ODR4: variants seen among roughly 807,000 people sequenced by gnomAD.
ODR4 encodes protein odr-4 homolog.
A neutral mutation model predicts 60.2 loss-of-function variants in ODR4; 47 were observed. The observed-to-expected ratio is 0.78, with a 90% CI of 0.62 to 1.00. The LOEUF is 1.00. Ranked by LOEUF, ODR4 falls within the 50% of genes least tolerant of loss-of-function variation. The pLI is 0.00. For synonymous variants in ODR4, 178 were observed against 175.5 expected (o/e 1.01, Z -0.11); for missense variants, 488 against 530.8 (o/e 0.92, Z 0.79).
intron 11 of ODR4, among the ~76,000 whole-genome samples, chr1:186,404,665 C>G (rs979695627): frequency 6.6e-5 from 10 of 152,190 alleles, no homozygotes; most frequent in Admixed American, 5.9e-4. Flanking sequence ...AAATTTCTCT[C>G]CCAGTTCTCA....
In ODR4 at chr1:186,420,684, A is replaced by G. The variant is rs1661742303; in HGVS notation, c.*1608A>G. The G allele has an allele frequency of 1.3e-5, 2 of 152,172 alleles. No individual in the cohort carries two copies. Among genetic ancestry groups the G allele is most frequent in the Admixed American group, 1.3e-4 (2 of 15,284 alleles). 9.4% of individuals were successfully genotyped at this position (152,172 alleles called of 1,614,324 possible). ...GCTGAAGAGACAAGTGAACTAAACT[A>G]TAAGCTGGATCTAAAGAAATTACCC... On this transcript the variant is annotated 3_prime_UTR_variant, in exon 14 of 14. Coordinates refer to ENST00000287859, the MANE Select transcript of ODR4 (RefSeq NM_017847.6).
downstream of ODR4, among the ~76,000 whole-genome samples, chr1:186,422,028 T>C (rs1661797951): frequency 6.6e-6 from 1 of 151,904 alleles, no homozygotes; most frequent in East Asian, 1.9e-4. Flanking sequence ...TTAAAATGAA[T>C]ATGAATAGAC....
intron 5 of ODR4, among the ~76,000 whole-genome samples, chr1:186,388,918 A>G (rs928739537): frequency 1.3e-5 from 2 of 152,218 alleles, no homozygotes; most frequent in African/African-American, 4.8e-5. Flanking sequence ...TTCTATAGAT[A>G]AGGATGTACA....
intron 6 of ODR4, 76 bp downstream of exon 6, chr1:186,389,700 T>C: frequency 1.8e-6 from 2 of 1,082,928 alleles, no homozygotes; most frequent in Non-Finnish European, 2.7e-6. Context: ...TATTTAGTTT[T>C]AATAATTTCC....
In ODR4 at chr1:186,383,027, G is replaced by A. The variant is rs1473740885; in HGVS notation, c.105G>A (p.Ser35=). The A allele has an allele frequency of 1.3e-5, 21 of 1,582,954 alleles. No individual in the cohort carries two copies. The highest frequency in any genetic ancestry group is 1.7e-4 in the Middle Eastern group (1 of 6,020). ...TTTTTAATTTGTTGTTGAAGTGTTCGTCACAAAAGGATTATGTGATTCTTG... is the reference window on the plus strand; with the variant it reads ...TTTTTAATTTGTTGTTGAAGTGTTCATCACAAAAGGATTATGTGATTCTTG... ...FVSGLLIGQC[S]SQKDYVILAT... The change falls in exon 3 of 14, where the codon TCG becomes TCA. Residue 35 remains serine, a synonymous_variant. Coordinates refer to ENST00000287859, the MANE Select transcript of ODR4 (RefSeq NM_017847.6).
At chr1:186,421,406 T>G (rs1571709241), downstream of ODR4, 1 of 152,168 alleles carries the variant, frequency 6.6e-6, no homozygotes, top group African/African-American at 2.4e-5. Flanking sequence ...AGGATATAAT[T>G]GTAAAATTGG....
At chr1:186,417,199 GC>G (rs1389109543) in intron 12 of ODR4, among the ~76,000 whole-genome samples, 2 of 152,022 alleles carry the variant, frequency 1.3e-5, no homozygotes, top group Non-Finnish European at 2.9e-5. Context: ...CTGAGCTCAG[GC>G]ACTCTGCCTG....
chr1:186,403,325 CAT>C (rs1242390778), intron 11 of ODR4, among the ~76,000 whole-genome samples: 3 of 151,822 alleles, frequency 2.0e-5, no homozygotes, highest in African/African-American at 7.3e-5. Flanking sequence ...TTGTTACAAT[CAT>C]GTGATATAAA....
Position 186,417,583 on chromosome 1 carries a change from A to T in ODR4, c.1226A>T (p.Asp409Val). The change falls in exon 13 of 14, where the codon GAC becomes GTC. Residue 409 changes from aspartate (D) to valine (V), a missense_variant. By Grantham distance (152) the Asp-to-Val change is radical. Coordinates refer to ENST00000287859, the MANE Select transcript of ODR4 (RefSeq NM_017847.6). The stretch of plus-strand genomic sequence containing the variant: ...TCTATGAATAGTCAAGCTTCATTGG[A>T]CAACACAGATGATGAACAACCAAAA... ...SSSMNSQASL[D>V]NTDDEQPKQP... 1 of 1,602,682 alleles carries T rather than the reference A, an allele frequency of 6.2e-7. No homozygotes were observed.
At chr1:186,385,512 G>A (rs1250996399) in intron 3 of ODR4, among the ~76,000 whole-genome samples, 1 of 151,620 alleles carries the variant, frequency 6.6e-6, no homozygotes, top group Non-Finnish European at 1.5e-5. Context: ...GTATCCAGTA[G>A]GGTTGAGACA....
intron 11 of ODR4, among the ~76,000 whole-genome samples, chr1:186,404,294 G>A (rs1285935729): frequency 2.0e-5 from 3 of 152,272 alleles, no homozygotes; most frequent in South Asian, 2.1e-4. Context: ...AACAGAAAAC[G>A]AGTCTTACTT....
At chr1:186,384,973 T>C (rs553568015) in intron 3 of ODR4, among the ~76,000 whole-genome samples, 26 of 151,960 alleles carry the variant, frequency 1.7e-4, no homozygotes, top group Non-Finnish European at 3.1e-4. Context: ...GTGTAGATGA[T>C]AGAAAAAAAT....
intron 12 of ODR4, among the ~76,000 whole-genome samples, chr1:186,412,385 T>C (rs1410905713): frequency 1.3e-5 from 2 of 152,116 alleles, no homozygotes; most frequent in African/African-American, 4.8e-5. Flanking sequence ...TGAGTTCGTT[T>C]TGAAGGATGA....
rs181020044 is a variant in ODR4, at chr1:186,392,430, A to G, written c.711+639A>G. ...ACTAGATAATGAAAATGTGGTACAT[A>G]TACACCATGGAATACTGTGCAGCCA... On this transcript the variant is annotated intron_variant, in intron 8 of 13. Coordinates refer to ENST00000287859, the MANE Select transcript of ODR4 (RefSeq NM_017847.6). Among the ~76,000 whole-genome samples the G allele has an allele frequency of 4.2e-4, 64 of 152,378 alleles. 1 individual carries two copies. The East Asian group carries it at 9.8e-3, about 23-fold the overall frequency.
rs144079140 is a variant in ODR4 at position 186,407,208 on chromosome 1, CT to C, written c.1186+943del. 1.8e-3 allele frequency among the ~76,000 whole-genome samples: 277 copies of C among 152,208 alleles called. 7 individuals are homozygous for C. In the East Asian group the frequency reaches 0.029, roughly 16 times the overall value. ...CTGATGTTAAAATAAAGAAGAGCTA[CT>C]TTCTAATCCCATGAAAACTAATATT... On this transcript the variant is annotated intron_variant, in intron 12 of 13. Transcript: ENST00000287859.
intron 2 of ODR4, 88 bp from the exon 3 acceptor site, chr1:186,382,934 T>G: frequency 7.5e-7 from 1 of 1,337,318 alleles, no homozygotes; most frequent in South Asian, 1.5e-5. Context: ...TTTTTGCATG[T>G]CATAAAAGCT....
rs538375639 is a variant in ODR4, at chr1:186,385,824, GATTT to G, written c.235-156_235-153del. On this transcript the variant is annotated intron_variant, in intron 3 of 13. Transcript: ENST00000287859. Reference sequence around the variant, plus strand: ...TCAGTCTTTGATCTCCTGAGAAAAGGATTTATTTATTGATGTAGCTAAAGGATGT... The same window carrying G: ...TCAGTCTTTGATCTCCTGAGAAAAGGATTTATTGATGTAGCTAAAGGATGT... Among the ~76,000 whole-genome samples the G allele has an allele frequency of 2.0e-4, 30 of 152,230 alleles. 2 individuals are homozygous for G. In the South Asian group the frequency reaches 6.2e-3, roughly 32 times the overall value.
the ODR4 span, among the ~76,000 whole-genome samples, chr1:186,428,380 T>C: frequency 6.6e-6 from 1 of 152,216 alleles, no homozygotes; most frequent in East Asian, 1.9e-4. Flanking sequence ...TTCAGACTTC[T>C]TCTGCTTCCT....
chr1:186,431,484 G>A, the ODR4 span, among the ~76,000 whole-genome samples: 1 of 152,246 alleles, frequency 6.6e-6, no homozygotes, highest in Non-Finnish European at 1.5e-5. Context: ...ATTAAAAAAG[G>A]TCATAGAAAT....
Sources: allele counts gnomAD v4.1 joint callset (sites outside exome capture counted in the v4.1 genomes callset), GRCh38; gene constraint gnomAD v4.1.1; transcripts MANE v1.5; gene names NCBI Gene and HGNC (gene_info 2026-07-23, HGNC 2026-07-21).